The following PAPPA2 variants were observed in gnomAD, a reference collection of about 807,000 sequenced individuals.
PAPPA2 encodes pappalysin-2.
A neutral mutation model predicts 176.4 loss-of-function variants in PAPPA2; 86 were observed. The observed-to-expected ratio is 0.49, with a 90% confidence interval of 0.41 to 0.58. The LOEUF is 0.58. Among genes scored for constraint, PAPPA2 ranks in the 20% least tolerant of loss-of-function variants. The pLI is 0.00. For missense variants in PAPPA2, 2,073 were observed against 2,256.9 expected (o/e 0.92, Z 1.65); for synonymous variants, 809 against 852.2 (o/e 0.95, Z 0.88).
chr1:176,589,843 A>C (rs1483520398), intron 2 of PAPPA2, among the ~76,000 whole-genome samples: 1 of 152,218 alleles, frequency 6.6e-6, no homozygotes, highest in Admixed American at 6.5e-5. Flanking sequence ...TGGTTTTGTC[A>C]GTCTTTACTC....
At chr1:176,713,655 C>T (rs1317163068) in intron 12 of PAPPA2, among the ~76,000 whole-genome samples, 4 of 152,040 alleles carry the variant, frequency 2.6e-5, no homozygotes, top group Non-Finnish European at 2.9e-5. Context: ...TATTTTGCCT[C>T]TCAAATGTAA....
At chr1:176,463,943 A>G (rs1651495664) in intron 1 of PAPPA2, among the ~76,000 whole-genome samples, 1 of 152,144 alleles carries the variant, frequency 6.6e-6, no homozygotes. Context: ...TTCTATTGCT[A>G]AGCTTAGGGT....
intron 3 of PAPPA2, among the ~76,000 whole-genome samples, chr1:176,649,369 T>TA (rs975072644): frequency 6.0e-5 from 9 of 151,086 alleles, no homozygotes; most frequent in African/African-American, 1.7e-4. Context: ...TTTTATCTTT[T>TA]AAAAAAAACT....
chr1:176,748,220 C>T (rs149416683), intron 14 of PAPPA2, among the ~76,000 whole-genome samples: 2 of 152,302 alleles, frequency 1.3e-5, no homozygotes, highest in East Asian at 3.9e-4. Flanking sequence ...TGGAGTTATC[C>T]AACTACATGT....
At chr1:176,754,704 T>C (rs541781804) in intron 14 of PAPPA2, among the ~76,000 whole-genome samples, 24 of 152,244 alleles carry the variant, frequency 1.6e-4, no homozygotes, top group Non-Finnish European at 3.2e-4. Flanking sequence ...TGCTCAGAGC[T>C]GGCCCTGTCA....
intron 9 of PAPPA2, 94 bp downstream of exon 9, chr1:176,702,829 T>G: frequency 6.9e-7 from 1 of 1,447,938 alleles, no homozygotes. Context: ...AGGGACACTG[T>G]TCTCTAAACA....
chr1:176,531,147 G>A (rs1220686521), intron 1 of PAPPA2, among the ~76,000 whole-genome samples: 1 of 152,158 alleles, frequency 6.6e-6, no homozygotes, highest in African/African-American at 2.4e-5. Flanking sequence ...ATGTAAACAG[G>A]AGTGTTCACA....
At chr1:176,767,357 TG>T (rs1055702555) in intron 15 of PAPPA2, among the ~76,000 whole-genome samples, 26 of 152,188 alleles carry the variant, frequency 1.7e-4, no homozygotes, top group Non-Finnish European at 2.9e-5. Context: ...TCTTTTTTTT[TG>T]AGACGGAGTC....
chr1:176,768,044 T>C (rs1316212780), intron 15 of PAPPA2, among the ~76,000 whole-genome samples: 3 of 152,188 alleles, frequency 2.0e-5, no homozygotes, highest in African/African-American at 7.2e-5. Flanking sequence ...ATTGTACCTG[T>C]GGCTTTGGTG....
chr1:176,826,260 T>A (rs1666861440), intron 21 of PAPPA2, among the ~76,000 whole-genome samples: 1 of 152,152 alleles, frequency 6.6e-6, no homozygotes, highest in African/African-American at 2.4e-5. Flanking sequence ...TGACAACCTG[T>A]TAGGAACCCT....
chr1:176,822,292 T>C (rs1050846629), intron 21 of PAPPA2, among the ~76,000 whole-genome samples: 7 of 152,142 alleles, frequency 4.6e-5, no homozygotes, highest in African/African-American at 7.2e-5. Context: ...GAGTCTTCAT[T>C]TTCCACCATC....
intron 9 of PAPPA2, among the ~76,000 whole-genome samples, chr1:176,705,045 C>T (rs1053173993): frequency 6.6e-6 from 1 of 151,850 alleles, no homozygotes; most frequent in African/African-American, 2.4e-5. Flanking sequence ...ATAAAGTTGC[C>T]GACCTCCAAG....
At chr1:176,799,405 C>T (rs1025352211) in intron 20 of PAPPA2, among the ~76,000 whole-genome samples, 2 of 152,230 alleles carry the variant, frequency 1.3e-5, no homozygotes, top group Admixed American at 6.5e-5. Context: ...AACGTAACTG[C>T]GCTCCCACCA....
At chr1:176,752,336 G>A (rs1471757738) in intron 14 of PAPPA2, among the ~76,000 whole-genome samples, 4 of 89,310 alleles carry the variant, frequency 4.5e-5, no homozygotes, top group African/African-American at 2.0e-4. Context: ...AAAACTTAGA[G>A]TATAATAAAA....
chr1:176,699,397 G>T lies in PAPPA2; in HGVS notation c.3044G>T (p.Gly1015Val). The change falls in exon 8 of 23, where the codon GGG (glycine) becomes GTG (valine). Residue 1015 changes from glycine (G) to valine (V), a missense_variant. Physicochemically the swap from Gly to Val is moderately radical, Grantham distance 109 (BLOSUM62 -3). This residue lies in a region of PAPPA2 where 1,196 missense variants were observed against 1,330.4 expected (regional missense o/e 0.90). Coordinates refer to ENST00000367662, the MANE Select transcript of PAPPA2 (RefSeq NM_020318.3). ...IPLTIKLHVDGKVSGVKVYTF... is the reference protein window; with the variant it reads ...IPLTIKLHVDVKVSGVKVYTF... ...CTCACCATCAAACTGCACGTGGATG[G>T]GAAGGTGTCGGGGGTGAAAGTCTAC... The T allele has an allele frequency of 6.2e-7, 1 of 1,614,160 alleles. No individual in the cohort carries two copies. Among genetic ancestry groups the T allele is most frequent in the Non-Finnish European group, 8.5e-7 (1 of 1,180,024 alleles).
At chr1:176,696,955 G>T (rs1660415700) in intron 7 of PAPPA2, among the ~76,000 whole-genome samples, 1 of 152,180 alleles carries the variant, frequency 6.6e-6, no homozygotes, top group Admixed American at 6.5e-5. Flanking sequence ...TTTCAAGTGA[G>T]AATTTTCAGG....
At chr1:176,518,010 C>G (rs927349269) in intron 1 of PAPPA2, among the ~76,000 whole-genome samples, 18 of 152,228 alleles carry the variant, frequency 1.2e-4, no homozygotes, top group Non-Finnish European at 8.8e-5. Flanking sequence ...ACTCAAAGGG[C>G]TCGAATAGAA....
At chr1:176,717,004 C>G (rs923999179) in intron 12 of PAPPA2, among the ~76,000 whole-genome samples, 11 of 152,140 alleles carry the variant, frequency 7.2e-5, no homozygotes, top group Admixed American at 6.5e-4. Context: ...CTTTAGGCCC[C>G]TTAGGCCAGC....
chr1:176,685,005 G>T (rs556639216), intron 4 of PAPPA2, among the ~76,000 whole-genome samples: 16 of 152,046 alleles, frequency 1.1e-4, no homozygotes, highest in African/African-American at 3.9e-4. Flanking sequence ...TCCTTGATGA[G>T]GTTGTTCTCC....
Sources: gnomAD v4.1 joint callset for allele counts (sites outside exome capture counted in the v4.1 genomes callset) on GRCh38, gnomAD v4.1.1 for gene constraint, gnomAD v4.1.1 regional missense constraint, MANE v1.5 for transcripts, NCBI Gene and HGNC (gene_info 2026-07-23, HGNC 2026-07-21) for gene names.